The following ZSWIM5 variants were observed in gnomAD, a reference collection of about 807,000 sequenced individuals.
The protein encoded by ZSWIM5 is zinc finger SWIM domain-containing protein 5.
ZSWIM5 carries 55 observed loss-of-function variants against 119.6 expected under a neutral mutation model. The ratio of observed to expected loss-of-function variants is 0.46; its 90% CI spans 0.37 to 0.58. ZSWIM5 has a LOEUF of 0.58. Ranked by LOEUF, ZSWIM5 falls within the 20% of genes least tolerant of loss-of-function variation. ZSWIM5 has a pLI of 0.00. For missense variants in ZSWIM5, 1,193 were observed against 1,512.8 expected, an observed-to-expected ratio of 0.79 and a Z score of 3.51; for synonymous variants, 537 against 606.9, an observed-to-expected ratio of 0.88 and a Z score of 1.69.
chr1:45,121,477 C>T (rs1358729390), intron 1 of ZSWIM5, among the ~76,000 whole-genome samples: 3 of 152,176 alleles, frequency 2.0e-5, no homozygotes, highest in Admixed American at 1.3e-4. Flanking sequence ...ATGTAACCAA[C>T]TTCATTATCA....
intron 1 of ZSWIM5, among the ~76,000 whole-genome samples, chr1:45,165,193 A>G (rs1378072497): frequency 3.3e-5 from 5 of 152,088 alleles, no homozygotes; most frequent in African/African-American, 9.7e-5. Flanking sequence ...CATGGAAACT[A>G]AACAACCTGC....
chr1:45,205,887 C>A lies in ZSWIM5; in HGVS notation c.464G>T (p.Gly155Val). 1.8e-6 allele frequency: 2 copies of A among 1,095,300 alleles called. No individual in the cohort carries two copies. Among genetic ancestry groups the A allele is most frequent in the Non-Finnish European group, 1.1e-6 (1 of 905,652 alleles). 67.8% of individuals were successfully genotyped at this position (1,095,300 alleles called of 1,614,324 possible). The change falls in exon 1 of 14, where the codon GGC becomes GTC. Residue 155 changes from glycine (G) to valine (V), a missense_variant. Physicochemically the swap from Gly to Val is moderately radical, Grantham distance 109. This residue lies in a region of ZSWIM5 where 961 missense variants were observed against 1,290.0 expected (regional missense o/e 0.74). Transcript: ENST00000359600. ...AAAPAGSAPGGVAAGASPGLG... is the reference protein window; with the variant it reads ...AAAPAGSAPGVVAAGASPGLG... ...CCCGGGGGATGCCCCAGCCGCGACG[C>A]CCCCGGGGGCGGAGCCGGCCGGAGC...
chr1:45,177,885 A>G (rs1214773038), intron 1 of ZSWIM5, among the ~76,000 whole-genome samples: 1 of 152,072 alleles, frequency 6.6e-6, no homozygotes, highest in East Asian at 1.9e-4. Flanking sequence ...CAGATTGGAA[A>G]GGAAGATAAA....
At chr1:45,175,382 A>G (rs568130442) in intron 1 of ZSWIM5, among the ~76,000 whole-genome samples, 1 of 152,180 alleles carries the variant, frequency 6.6e-6, no homozygotes, top group South Asian at 2.1e-4. Flanking sequence ...CCTTATAATT[A>G]AAGTATCTCA....
chr1:45,161,360 A>G (rs1241948510), intron 1 of ZSWIM5, among the ~76,000 whole-genome samples: 1 of 152,164 alleles, frequency 6.6e-6, no homozygotes, highest in East Asian at 1.9e-4. Flanking sequence ...GTACTAATTT[A>G]CATTCCCATT....
At chr1:45,060,044 C>A in intron 3 of ZSWIM5, 55 bp downstream of exon 3, 2 of 1,600,666 alleles carry the variant, frequency 1.2e-6, no homozygotes, top group South Asian at 1.1e-5. Context: ...TGTGCCCAGT[C>A]TGACTTAAGC....
rs139302274 is a variant in ZSWIM5, at chr1:45,193,264, G to T, written c.595+12492C>A. ...TGCAAAAGCTGGAATTCCAGCATAA[G>T]ATTTCCTTTGAAAGTTAGAGTACAG... On this transcript the variant is annotated intron_variant, in intron 1 of 13. Coordinates refer to ENST00000359600, the MANE Select transcript of ZSWIM5 (RefSeq NM_020883.2). 8.4e-4 allele frequency among the ~76,000 whole-genome samples: 128 copies of T among 152,284 alleles called. 1 individual carries two copies. Among genetic ancestry groups the T allele is most frequent in the African/African-American group, 3.0e-3 (126 of 41,566 alleles).
At chr1:45,111,299 G>A (rs2149023499) in intron 1 of ZSWIM5, among the ~76,000 whole-genome samples, 1 of 152,242 alleles carries the variant, frequency 6.6e-6, no homozygotes, top group South Asian at 2.1e-4. Context: ...AACTAATCCA[G>A]ACTGAAGAGG....
chr1:45,099,888 T>G (rs1285507671), intron 1 of ZSWIM5, among the ~76,000 whole-genome samples: 6 of 152,112 alleles, frequency 3.9e-5, no homozygotes, highest in Non-Finnish European at 5.9e-5. Flanking sequence ...GGTATTGATG[T>G]AACGTATCTC....
At chr1:45,039,773 C>T (rs1239692782) in intron 7 of ZSWIM5, among the ~76,000 whole-genome samples, 4 of 142,392 alleles carry the variant, frequency 2.8e-5, no homozygotes, top group African/African-American at 7.8e-5. Context: ...GGTGTGATCT[C>T]GGCTCACTGC....
At chr1:45,181,066 A>T (rs1051844663) in intron 1 of ZSWIM5, among the ~76,000 whole-genome samples, 2 of 152,192 alleles carry the variant, frequency 1.3e-5, no homozygotes, top group African/African-American at 4.8e-5. Flanking sequence ...CACCAGCAAC[A>T]GAACAAAGCT....
At chr1:45,087,825 G>T in intron 2 of ZSWIM5, 56 bp downstream of exon 2, 2 of 1,278,326 alleles carry the variant, frequency 1.6e-6, no homozygotes, top group Non-Finnish European at 2.2e-6. Context: ...GGGTTGCTTT[G>T]GTGACAGTGG....
In ZSWIM5 at chr1:45,206,135, C is replaced by T. The variant is rs1478979908; in HGVS notation, c.216G>A (p.Thr72=). Residue 72 remains threonine, a synonymous_variant, in exon 1 of 14, where the codon ACG becomes ACA. Coordinates refer to ENST00000359600, the MANE Select transcript of ZSWIM5 (RefSeq NM_020883.2). ...PDSLLDCAAK[T]VAEKWAYERV... ...GTTCGTATGCCCACTTTTCCGCCAC[C>T]GTCTTGGCGGCGCAGTCCAGTAAGG... 1 of 1,611,064 alleles carries T rather than the reference C, an allele frequency of 6.2e-7. No individual in the cohort carries two copies. Among genetic ancestry groups the T allele is most frequent in the Non-Finnish European group, 8.5e-7 (1 of 1,179,246 alleles).
chr1:45,106,268 G>A (rs1289773474), intron 1 of ZSWIM5, among the ~76,000 whole-genome samples: 192 of 141,836 alleles, frequency 1.4e-3, no homozygotes, highest in Non-Finnish European at 1.8e-3. Flanking sequence ...CCTCTGCCCC[G>A]CCCCCTCTGG....
At chr1:45,162,771 G>A (rs1645871433) in intron 1 of ZSWIM5, among the ~76,000 whole-genome samples, 1 of 152,234 alleles carries the variant, frequency 6.6e-6, no homozygotes, top group Non-Finnish European at 1.5e-5. Context: ...CAGGCTGGGG[G>A]AGGGGCACCC....
In ZSWIM5 at chr1:45,039,048, G is replaced by A. The variant is rs7551698; in HGVS notation, c.1782C>T (p.Thr594=). Residue 594 remains threonine, a synonymous_variant, in exon 8 of 14, where the codon ACC becomes ACT. Coordinates refer to ENST00000359600, the MANE Select transcript of ZSWIM5 (RefSeq NM_020883.2). ...CCACCCAGCCCTCCAGGTTTGTGAT[G>A]GTTGTGGTTCCTCTCTGCAACAGTT... ...KKELLQRGTT[T]ITNLEGWVGH... is the part of the protein sequence containing the mutation. 6.2e-7 allele frequency: 1 copy of A among 1,613,850 alleles called. No individual in the cohort carries two copies. Among genetic ancestry groups the A allele is most frequent in the Non-Finnish European group, 8.5e-7 (1 of 1,179,940 alleles).
At chr1:45,091,225 T>G (rs1415039237) in intron 1 of ZSWIM5, among the ~76,000 whole-genome samples, 1 of 152,220 alleles carries the variant, frequency 6.6e-6, no homozygotes, top group African/African-American at 2.4e-5. Context: ...AGAAAGTACA[T>G]TCTTAATTTC....
intron 1 of ZSWIM5, among the ~76,000 whole-genome samples, chr1:45,099,861 A>G (rs960986607): frequency 1.3e-5 from 2 of 151,818 alleles, no homozygotes; most frequent in Admixed American, 6.5e-5. Context: ...TTCATGCTAA[A>G]AACTCTCAAT....
chr1:45,204,662 G>C (rs1034094829), intron 1 of ZSWIM5, among the ~76,000 whole-genome samples: 2 of 152,050 alleles, frequency 1.3e-5, no homozygotes, highest in Non-Finnish European at 2.9e-5. Flanking sequence ...TAGATGTCTG[G>C]GGTTTGTGTC....
Sources: allele counts gnomAD v4.1 joint callset (sites outside exome capture counted in the v4.1 genomes callset), GRCh38; gene constraint gnomAD v4.1.1; regional missense constraint gnomAD v4.1.1; transcripts MANE v1.5; gene names NCBI Gene and HGNC (gene_info 2026-07-23, HGNC 2026-07-21).